WWC2: variants seen among roughly 807,000 people sequenced by gnomAD.
The protein encoded by WWC2 is protein WWC2.
WWC2 carries 101 observed loss-of-function variants against 138.5 expected under a neutral mutation model. That is an observed-to-expected ratio of 0.73 (90% CI 0.62 to 0.86). The LOEUF is 0.86. Ranked by LOEUF, WWC2 falls within the 40% of genes least tolerant of loss-of-function variation. The probability of loss-of-function intolerance (pLI) is 0.00; values close to 1 mark genes in which losing one functional copy is unlikely to be tolerated. For synonymous variants in WWC2, 558 were observed against 538.4 expected, an observed-to-expected ratio of 1.04 and a Z score of -0.50; for missense variants, 1,420 against 1,419.4, an observed-to-expected ratio of 1.00 and a Z score of -0.01.
intron 16 of WWC2, among the ~76,000 whole-genome samples, chr4:183,277,265 A>C (rs1737891269): frequency 1.3e-5 from 2 of 150,992 alleles, no homozygotes; most frequent in South Asian, 4.2e-4. Flanking sequence ...TTTACTGAGA[A>C]TGATGATTTC....
chr4:183,186,889 C>CT (rs1330082811), intron 1 of WWC2, among the ~76,000 whole-genome samples: 3 of 152,164 alleles, frequency 2.0e-5, no homozygotes, highest in African/African-American at 7.2e-5. Context: ...GGAGAATTGT[C>CT]TGAGGACCCA....
At chr4:183,308,182 A>G (rs552634394) in intron 21 of WWC2, among the ~76,000 whole-genome samples, 5 of 152,350 alleles carry the variant, frequency 3.3e-5, no homozygotes, top group South Asian at 4.1e-4. Flanking sequence ...TATAAGGTCT[A>G]TAGAGGAAAA....
At chr4:183,297,724 C>T (rs1738683879) in intron 21 of WWC2, among the ~76,000 whole-genome samples, 1 of 152,200 alleles carries the variant, frequency 6.6e-6, no homozygotes, top group African/African-American at 2.4e-5. Context: ...ATAAACACTT[C>T]TGTTCTACTG....
intron 4 of WWC2, among the ~76,000 whole-genome samples, chr4:183,224,051 C>T (rs1736001373): frequency 6.6e-6 from 1 of 152,092 alleles, no homozygotes; most frequent in Non-Finnish European, 1.5e-5. Flanking sequence ...TTTTAATCGC[C>T]CTCTTTTCTT....
intron 1 of WWC2, among the ~76,000 whole-genome samples, chr4:183,183,639 G>A (rs1166113514): frequency 6.6e-6 from 1 of 152,152 alleles, no homozygotes. Context: ...TTAGCCAAGC[G>A]TGTTGGTGTG....
At chr4:183,134,829 C>G (rs1476818238) in intron 1 of WWC2, among the ~76,000 whole-genome samples, 1 of 151,982 alleles carries the variant, frequency 6.6e-6, no homozygotes, top group Non-Finnish European at 1.5e-5. Context: ...ATTAATATAA[C>G]TACACTAACT....
In WWC2 at chr4:183,284,322, G is replaced by A. The variant is rs1000172379; in HGVS notation, c.2980G>A (p.Val994Met). 3 of 1,613,996 alleles carry A rather than the reference G, an allele frequency of 1.9e-6. No homozygotes were observed. The highest frequency in any genetic ancestry group is 2.5e-6 in the Non-Finnish European group (3 of 1,179,886). Residue 994 changes from valine (V) to methionine (M), a missense_variant, in exon 19 of 23, where the codon GTG becomes ATG. By Grantham distance (21) the Val-to-Met change is conservative. Coordinates refer to ENST00000403733, the MANE Select transcript of WWC2 (RefSeq NM_024949.6). ...SSLSSRQHPF[V>M]RSSVIVRSQT... ...CCTGAGCTCTAGACAGCATCCGTTT[G>A]TGAGGAGCAGTGTGATAGTGCGCTC... is the stretch of plus-strand genomic sequence containing the variant.
At chr4:183,245,372 CT>C (rs1399675441) in intron 5 of WWC2, 43 bp from the exon 6 acceptor site, 1 of 1,444,432 alleles carries the variant, frequency 6.9e-7, no homozygotes, top group Non-Finnish European at 9.1e-7. Flanking sequence ...AACTTATATG[CT>C]ATCATTCTTT....
chr4:183,148,806 A>G (rs1297970557), intron 1 of WWC2, among the ~76,000 whole-genome samples: 1 of 152,194 alleles, frequency 6.6e-6, no homozygotes, highest in Non-Finnish European at 1.5e-5. Context: ...ATGAGTTAGA[A>G]AAAGCATTTA....
intron 4 of WWC2, among the ~76,000 whole-genome samples, chr4:183,237,790 T>C (rs1208303337): frequency 2.6e-5 from 4 of 152,160 alleles, no homozygotes; most frequent in African/African-American, 7.2e-5. Flanking sequence ...ATTACACCGC[T>C]CTTGTCTTTG....
At chr4:183,254,128 A>G in intron 9 of WWC2, 129 bp downstream of exon 9, 6 of 1,391,286 alleles carry the variant, frequency 4.3e-6, no homozygotes, top group Non-Finnish European at 5.7e-6. Flanking sequence ...GCACAAATGG[A>G]CTTTCTGTAG....
intron 1 of WWC2, among the ~76,000 whole-genome samples, chr4:183,174,830 T>G (rs938746100): frequency 2.0e-5 from 3 of 151,470 alleles, no homozygotes; most frequent in South Asian, 4.2e-4. Flanking sequence ...TCTTTTGCGC[T>G]CTCTCTCTCT....
Position 183,120,397 on chromosome 4 carries a change from T to C in WWC2, c.131+20775T>C, listed in dbSNP as rs577751666. ...AGGGTTAAAATGCATGTACACAGAT[T>C]GATGCTGACGTTTATGAACTAGAAC... On this transcript the variant is annotated intron_variant, in intron 1 of 22. Transcript: ENST00000403733. Among the ~76,000 whole-genome samples the C allele has an allele frequency of 1.6e-4, 24 of 152,336 alleles. No homozygotes were observed. The South Asian group carries it at 2.5e-3, about 16-fold the overall frequency.
intron 4 of WWC2, among the ~76,000 whole-genome samples, chr4:183,219,934 GA>G (rs548656769): frequency 2.4e-4 from 36 of 152,224 alleles, no homozygotes; most frequent in Non-Finnish European, 5.0e-4. Flanking sequence ...GGGTGGTAGA[GA>G]AATTATCCTG....
rs1275088644 is a variant in WWC2, at chr4:183,312,335, T to C, written c.3385-6T>C. On this transcript the variant is annotated splice_polypyrimidine_tract_variant and splice_region_variant and intron_variant, in intron 21 of 22. Transcript: ENST00000403733. The stretch of plus-strand genomic sequence containing the variant: ...GTGTTTCTTACATTTTTATTCCCTT[T>C]TCCAGGCTGAACAGTCCAAAGAAGA... The C allele has an allele frequency of 1.2e-6, 2 of 1,612,464 alleles. No individual in the cohort carries two copies. The highest frequency in any genetic ancestry group is 1.7e-6 in the Non-Finnish European group (2 of 1,179,006).
Position 183,271,069 on chromosome 4 carries a change from C to A in WWC2, c.2401-11C>A. Reference sequence around the variant, plus strand: ...TTATTTTTTTTTCTTTGTTTTCTTTCACTTACATAGGCTGGAACTCAGATC... The same window carrying A: ...TTATTTTTTTTTCTTTGTTTTCTTTAACTTACATAGGCTGGAACTCAGATC... On this transcript the variant is annotated splice_polypyrimidine_tract_variant and intron_variant, in intron 15 of 22. Transcript: ENST00000403733. 6.7e-7 allele frequency: 1 copy of A among 1,492,196 alleles called. No homozygotes were observed. The highest frequency in any genetic ancestry group is 8.9e-7 in the Non-Finnish European group (1 of 1,120,106). 92.4% of individuals were successfully genotyped at this position (1,492,196 alleles called of 1,614,324 possible). A position where few individuals can be genotyped will look rare whatever the true frequency, so the allele number is the denominator to read the frequency against.
intron 16 of WWC2, among the ~76,000 whole-genome samples, chr4:183,279,944 A>G (rs1395164709): frequency 6.6e-6 from 1 of 151,958 alleles, no homozygotes; most frequent in African/African-American, 2.4e-5. Flanking sequence ...AAAAACTTAA[A>G]TTTTTCTCTC....
At chr4:183,177,389 A>G (rs564641381) in intron 1 of WWC2, among the ~76,000 whole-genome samples, 32 of 152,338 alleles carry the variant, frequency 2.1e-4, no homozygotes, top group African/African-American at 7.7e-4. Flanking sequence ...GTCTTGGTGA[A>G]ATATATGCAT....
In WWC2 at chr4:183,248,617, C is replaced by T. The variant is rs931397361; in HGVS notation, c.733-97C>T. ...CTACTAAAATAAAGTTGTTTTTTTCCATTGAGATTAGCTCTTTCCTTTTAA... is the reference window on the plus strand; with the variant it reads ...CTACTAAAATAAAGTTGTTTTTTTCTATTGAGATTAGCTCTTTCCTTTTAA... On this transcript the variant is annotated intron_variant, in intron 6 of 22. Coordinates refer to ENST00000403733, the MANE Select transcript of WWC2 (RefSeq NM_024949.6). The T allele has an allele frequency of 6.3e-6, 8 of 1,269,826 alleles. No homozygotes were observed. In the Admixed American group the frequency reaches 1.2e-4, roughly 19 times the overall value. 78.7% of individuals were successfully genotyped at this position (1,269,826 alleles called of 1,614,324 possible). A position where few individuals can be genotyped will look rare whatever the true frequency, so the allele number is the denominator to read the frequency against.
Sources: allele counts gnomAD v4.1 joint callset (sites outside exome capture counted in the v4.1 genomes callset), GRCh38; gene constraint gnomAD v4.1.1; transcripts MANE v1.5; gene names NCBI Gene and HGNC (gene_info 2026-07-23, HGNC 2026-07-21).